GLMN: variants seen among roughly 807,000 people sequenced by gnomAD.
GLMN encodes the protein glomulin.
GLMN carries 75 observed loss-of-function variants against 87.8 expected under a neutral mutation model. The ratio of observed to expected loss-of-function variants is 0.85; its 90% confidence interval spans 0.71 to 1.04. The LOEUF is 1.04. GLMN is among the 50% of genes least tolerant of loss of function. The pLI is 0.00. For synonymous variants in GLMN, 206 were observed against 221.6 expected (o/e 0.93, Z 0.63); for missense variants, 588 against 658.8 (o/e 0.89, Z 1.18).
chr1:92,253,743 C>A lies in GLMN; in HGVS notation c.1474-5754G>T, dbSNP rs893824493. On this transcript the variant is annotated intron_variant, in intron 16 of 18. Coordinates refer to ENST00000370360, the MANE Select transcript of GLMN (RefSeq NM_053274.3). ...GCATTAACGTCAACAAAAAGGATGA[C>A]CCAAGCAAAAACTCCACCCAAAGGT... Among the ~76,000 whole-genome samples, 4 of 152,232 alleles carry A rather than the reference C, an allele frequency of 2.6e-5. No individual in the cohort carries two copies. The East Asian group carries it at 7.7e-4, about 29-fold the overall frequency.
chr1:92,324,007 A>C, the GLMN span: 2 of 1,614,030 alleles, frequency 1.2e-6, no homozygotes, highest in Non-Finnish European at 8.5e-7. Flanking sequence ...TGAAGTTGGA[A>C]AGAGAAACTT....
At chr1:92,327,187 G>C in the GLMN span, among the ~76,000 whole-genome samples, 1 of 152,096 alleles carries the variant, frequency 6.6e-6, no homozygotes, top group Non-Finnish European at 1.5e-5. Flanking sequence ...TTTCTACTTA[G>C]ATTTCATTGT....
At chr1:92,370,285 C>T in the GLMN span, among the ~76,000 whole-genome samples, 8 of 152,016 alleles carry the variant, frequency 5.3e-5, no homozygotes, top group Non-Finnish European at 1.0e-4. Flanking sequence ...TGGGGCACTA[C>T]GCTTTAAGAA....
At chr1:92,259,977 C>T (rs752515597) in intron 16 of GLMN, among the ~76,000 whole-genome samples, 3 of 151,858 alleles carry the variant, frequency 2.0e-5, no homozygotes, top group South Asian at 2.1e-4. Flanking sequence ...CTTCATGAAC[C>T]GCCCGCCTTG....
chr1:92,310,845 C>T, the GLMN span, among the ~76,000 whole-genome samples: 1 of 151,750 alleles, frequency 6.6e-6, no homozygotes, highest in Non-Finnish European at 1.5e-5. Context: ...TGCAGTGAGC[C>T]GAGATCACAC....
the GLMN span, chr1:92,307,290 T>C: frequency 6.5e-7 from 1 of 1,526,950 alleles, no homozygotes; most frequent in Non-Finnish European, 9.0e-7. Flanking sequence ...ATTTAAGTCA[T>C]TGTGTATATA....
intron 7 of GLMN, among the ~76,000 whole-genome samples, chr1:92,280,817 G>A (rs1474209122): frequency 1.3e-5 from 2 of 152,120 alleles, no homozygotes; most frequent in Admixed American, 6.5e-5. Context: ...ACTTCATGAC[G>A]CATGCACAAG....
chr1:92,338,373 G>A, the GLMN span, among the ~76,000 whole-genome samples: 2 of 152,214 alleles, frequency 1.3e-5, no homozygotes, highest in African/African-American at 4.8e-5. Flanking sequence ...GTCCAAAGCT[G>A]AACTTGTCTG....
chr1:92,255,645 C>T (rs1274664708), intron 16 of GLMN, among the ~76,000 whole-genome samples: 1 of 152,156 alleles, frequency 6.6e-6, no homozygotes, highest in African/African-American at 2.4e-5. Flanking sequence ...AACTGAACAA[C>T]CTGCTCCTGA....
chr1:92,348,481 A>T, the GLMN span, among the ~76,000 whole-genome samples: 1 of 152,130 alleles, frequency 6.6e-6, no homozygotes, highest in Admixed American at 6.5e-5. Context: ...CCTTCCTTGC[A>T]GATTCTTTTC....
chr1:92,298,966 C>G lies in GLMN; in HGVS notation c.-72G>C, dbSNP rs1025809795. 1.9e-4 allele frequency: 97 copies of G among 510,834 alleles called. No individual in the cohort carries two copies. The East Asian group carries it at 3.3e-3, about 17-fold the overall frequency. 31.6% of individuals were successfully genotyped at this position (510,834 alleles called of 1,614,324 possible). A position where few individuals can be genotyped will look rare whatever the true frequency, so the allele number is the denominator to read the frequency against. On this transcript the variant is annotated 5_prime_UTR_variant, in exon 1 of 19. Coordinates refer to ENST00000370360, the MANE Select transcript of GLMN (RefSeq NM_053274.3). ...CTCTCCCAGCCGCCGCCACCTCCTC[C>G]GGCGTCTTAGCCCGCTCTTCTGGCC...
chr1:92,259,331 G>A (rs1557517703), intron 16 of GLMN, among the ~76,000 whole-genome samples: 1 of 152,120 alleles, frequency 6.6e-6, no homozygotes, highest in Admixed American at 6.5e-5. Flanking sequence ...AAAGATGGGA[G>A]CATGTTTGTA....
chr1:92,352,382 G>T, the GLMN span, among the ~76,000 whole-genome samples: 1 of 152,206 alleles, frequency 6.6e-6, no homozygotes, highest in African/African-American at 2.4e-5. Flanking sequence ...ACTCTGGAGA[G>T]TCACTTCCCT....
chr1:92,262,650 G>A (rs952336034), intron 16 of GLMN, among the ~76,000 whole-genome samples: 6 of 152,200 alleles, frequency 3.9e-5, no homozygotes, highest in Non-Finnish European at 7.3e-5. Flanking sequence ...GAAAGCAGAC[G>A]TACAATAGGA....
chr1:92,255,794 C>T (rs183629442), intron 16 of GLMN, among the ~76,000 whole-genome samples: 27 of 152,196 alleles, frequency 1.8e-4, no homozygotes, highest in African/African-American at 6.5e-4. Context: ...GCACTAAATG[C>T]CCAAAGGAGA....
chr1:92,368,397 A>G, the GLMN span, among the ~76,000 whole-genome samples: 1 of 152,086 alleles, frequency 6.6e-6, no homozygotes. Context: ...AAAAAAATCC[A>G]AGTTCGTTAC....
At chr1:92,288,696 T>A (rs1198779495) in intron 6 of GLMN, among the ~76,000 whole-genome samples, 1 of 152,208 alleles carries the variant, frequency 6.6e-6, no homozygotes, top group African/African-American at 2.4e-5. Context: ...CCCAAAGTGA[T>A]GGGATTACAT....
the GLMN span, among the ~76,000 whole-genome samples, chr1:92,326,250 A>G: frequency 6.6e-6 from 1 of 152,104 alleles, no homozygotes; most frequent in East Asian, 1.9e-4. Flanking sequence ...CATTACTGTG[A>G]TGATGAATAA....
chr1:92,257,351 C>T (rs1654408302), intron 16 of GLMN, among the ~76,000 whole-genome samples: 2 of 152,076 alleles, frequency 1.3e-5, no homozygotes, highest in Non-Finnish European at 2.9e-5. Flanking sequence ...CAATGCTATC[C>T]CCATCAAGCT....
Sources: gnomAD v4.1 joint callset for allele counts (sites outside exome capture counted in the v4.1 genomes callset) on GRCh38, gnomAD v4.1.1 for gene constraint, MANE v1.5 for transcripts, NCBI Gene and HGNC (gene_info 2026-07-23, HGNC 2026-07-21) for gene names.